Variants in FHIT observed in about 807,000 individuals in gnomAD.
FHIT encodes the protein fragile histidine triad diadenosine triphosphatase.
In FHIT, 19 loss-of-function variants were observed where a neutral mutation model predicts 17.9. That is an observed-to-expected ratio of 1.06 (90% CI 0.74 to 1.56). The LOEUF (loss-of-function observed/expected upper bound fraction) is 1.56, where lower values mean the gene tolerates loss of function less well. Ranked by LOEUF, FHIT falls within the 40% of genes most tolerant of loss-of-function variation. The pLI, the probability that FHIT is intolerant of heterozygous loss-of-function variation, is 0.00. For synonymous variants in FHIT, 81 were observed against 69.7 expected, an observed-to-expected ratio of 1.16 and a Z score of -0.81; for missense variants, 248 against 189.2, an observed-to-expected ratio of 1.31 and a Z score of -1.82.
chr3:59,862,488 G>A (rs904663859), intron 8 of FHIT, among the ~76,000 whole-genome samples: 1 of 152,192 alleles, frequency 6.6e-6, no homozygotes, highest in Non-Finnish European at 1.5e-5. Flanking sequence ...AGACTCACTT[G>A]CTATTTCTCT....
chr3:59,832,821 T>A (rs1048040810), intron 8 of FHIT, among the ~76,000 whole-genome samples: 1 of 152,198 alleles, frequency 6.6e-6, no homozygotes, highest in Non-Finnish European at 1.5e-5. Flanking sequence ...TTCCCTATCA[T>A]TGAGTGAAAG....
chr3:60,114,522 G>T (rs925625380), intron 5 of FHIT, among the ~76,000 whole-genome samples: 1 of 58,014 alleles, frequency 1.7e-5, no homozygotes, highest in Non-Finnish European at 4.0e-5. Flanking sequence ...TTGAGACAAG[G>T]TCTCAGTCTG....
At chr3:61,179,034 A>C (rs1208714940) in intron 2 of FHIT, among the ~76,000 whole-genome samples, 5 of 131,418 alleles carry the variant, frequency 3.8e-5, no homozygotes, top group African/African-American at 1.5e-4. Flanking sequence ...TTTTTGAGAC[A>C]GAGTCTCACT....
At chr3:60,435,359 G>A (rs1354231077) in intron 5 of FHIT, among the ~76,000 whole-genome samples, 1 of 152,086 alleles carries the variant, frequency 6.6e-6, no homozygotes, top group Non-Finnish European at 1.5e-5. Context: ...TGATGGCAAG[G>A]CTGTTTTTAA....
intron 2 of FHIT, among the ~76,000 whole-genome samples, chr3:61,090,585 T>A (rs2035450725): frequency 6.6e-6 from 1 of 152,104 alleles, no homozygotes; most frequent in Non-Finnish European, 1.5e-5. Flanking sequence ...GGCCTCCCAG[T>A]GGGTGTCAAT....
intron 7 of FHIT, among the ~76,000 whole-genome samples, chr3:59,985,525 C>T (rs1351995265): frequency 1.3e-5 from 2 of 152,086 alleles, no homozygotes; most frequent in Middle Eastern, 3.2e-3. Flanking sequence ...CATCTATGTA[C>T]ATAATTTAGA....
In FHIT at chr3:60,339,887, AT is replaced by A. The variant is rs991695541; in HGVS notation, c.103+196972del. The stretch of plus-strand genomic sequence containing the variant: ...CTCCTGAACCATTGCAGACTTTGAG[AT>A]TTTTTTTTAAAGGCTTAGAATCTTT... On this transcript the variant is annotated intron_variant, in intron 5 of 9. Transcript: ENST00000492590. 9.7e-4 allele frequency among the ~76,000 whole-genome samples: 147 copies of A among 151,560 alleles called. 1 individual carries two copies. Among genetic ancestry groups the A allele is most frequent in the African/African-American group, 3.4e-3 (141 of 41,316 alleles).
chr3:60,750,972 T>A (rs1157823981), intron 4 of FHIT, among the ~76,000 whole-genome samples: 2 of 152,156 alleles, frequency 1.3e-5, no homozygotes, highest in Non-Finnish European at 2.9e-5. Context: ...TGTTCCCAAG[T>A]GCAACTCCCA....
chr3:59,870,910 G>A (rs887119055), intron 8 of FHIT, among the ~76,000 whole-genome samples: 16 of 151,052 alleles, frequency 1.1e-4, no homozygotes, highest in African/African-American at 3.2e-4. Flanking sequence ...CTCTATTTAC[G>A]GCAGTCTGAT....
intron 4 of FHIT, among the ~76,000 whole-genome samples, chr3:60,652,566 T>C (rs534837452): frequency 6.6e-5 from 10 of 152,086 alleles, no homozygotes; most frequent in Non-Finnish European, 1.2e-4. Flanking sequence ...ACCCCATCTC[T>C]ACTAAAAATA....
Position 60,469,062 on chromosome 3 carries a change from T to C in FHIT, c.103+67798A>G, listed in dbSNP as rs2032947725. Reference sequence around the variant, plus strand: ...CATACATTTTGGAGATCTTTGTTATTTCTTTTCTCTTGCTGCTTTTAGGAT... The same window carrying C: ...CATACATTTTGGAGATCTTTGTTATCTCTTTTCTCTTGCTGCTTTTAGGAT... On this transcript the variant is annotated intron_variant, in intron 5 of 9. Coordinates refer to ENST00000492590, the MANE Select transcript of FHIT (RefSeq NM_002012.4). 3.3e-5 allele frequency among the ~76,000 whole-genome samples: 5 copies of C among 152,280 alleles called. No homozygotes were observed. The South Asian group carries it at 1.0e-3, about 32-fold the overall frequency.
chr3:60,144,427 G>A (rs1700155571), intron 5 of FHIT, among the ~76,000 whole-genome samples: 1 of 152,102 alleles, frequency 6.6e-6, no homozygotes, highest in East Asian at 1.9e-4. Context: ...GCTTTTACAG[G>A]CAAGTATTCT....
chr3:59,929,362 GGTTTT>G (rs1449089455), intron 7 of FHIT, among the ~76,000 whole-genome samples: 6 of 92,036 alleles, frequency 6.5e-5, no homozygotes, highest in African/African-American at 1.7e-4. Context: ...TTGTTTTTTT[GGTTTT>G]TTTTTTTTTT....
At position 60,600,332 on chromosome 3, in the gene FHIT, A is replaced by G. The variant is rs1340793617; in HGVS notation, c.-17-63353T>C. Among the ~76,000 whole-genome samples the G allele has an allele frequency of 2.8e-5, 4 of 144,414 alleles. No individual in the cohort carries two copies. In the South Asian group the frequency reaches 9.1e-4, roughly 33 times the overall value. 94.7% of individuals were successfully genotyped at this position (144,414 alleles called of 152,430 possible). On this transcript the variant is annotated intron_variant, in intron 4 of 9. Transcript: ENST00000492590. ...AGGAAGCCTACTTGATTAAAAAAAA[A>G]TAAGCAGCAAAAATAATTGTTTTCA...
intron 3 of FHIT, among the ~76,000 whole-genome samples, chr3:60,918,710 T>A (rs191687058): frequency 5.3e-5 from 8 of 152,300 alleles, no homozygotes; most frequent in Non-Finnish European, 7.3e-5. Flanking sequence ...CATCAAAGCA[T>A]GGAACCTTGG....
rs192749342 is a variant in FHIT, at chr3:60,788,880, C to T, written c.-18+33039G>A. ...ATTATATATGGCACATTCAATTTTACTTCAAATGTTTTACATAGGCTAAAA... is the reference window on the plus strand; with the variant it reads ...ATTATATATGGCACATTCAATTTTATTTCAAATGTTTTACATAGGCTAAAA... On this transcript the variant is annotated intron_variant, in intron 4 of 9. Coordinates refer to ENST00000492590, the MANE Select transcript of FHIT (RefSeq NM_002012.4). 1.7e-4 allele frequency among the ~76,000 whole-genome samples: 26 copies of T among 152,098 alleles called. 1 individual carries two copies. Among genetic ancestry groups the T allele is most frequent in the Admixed American group, 1.6e-3 (24 of 15,250 alleles).
intron 5 of FHIT, among the ~76,000 whole-genome samples, chr3:60,018,843 G>T (rs1209675428): frequency 6.6e-6 from 1 of 152,074 alleles, no homozygotes; most frequent in Non-Finnish European, 1.5e-5. Flanking sequence ...AGCTGGGCAT[G>T]GTGGCGGGCA....
intron 3 of FHIT, among the ~76,000 whole-genome samples, chr3:61,014,916 G>A (rs1052271481): frequency 2.1e-5 from 3 of 142,264 alleles, no homozygotes; most frequent in Non-Finnish European, 4.5e-5. Context: ...ATATATATAT[G>A]TGTACACACA....
intron 8 of FHIT, among the ~76,000 whole-genome samples, chr3:59,850,822 C>T (rs1005039320): frequency 6.6e-6 from 1 of 152,102 alleles, no homozygotes; most frequent in African/African-American, 2.4e-5. Context: ...GTTGGTAAGG[C>T]AACAAAAAGA....
Sources: gnomAD v4.1 joint callset for allele counts (sites outside exome capture counted in the v4.1 genomes callset) on GRCh38, gnomAD v4.1.1 for gene constraint, MANE v1.5 for transcripts, NCBI Gene and HGNC (gene_info 2026-07-23, HGNC 2026-07-21) for gene names.